The following C19orf84 variants were observed in gnomAD, a reference collection of about 807,000 sequenced individuals.
The protein encoded by C19orf84 is piRNA-mediated silencing protein C19orf84.
A neutral mutation model predicts 4.0 loss-of-function variants in C19orf84; 1 was observed. That is an observed-to-expected ratio of 0.25 (90% CI 0.09 to 1.19). The LOEUF is 1.19. Ranked by LOEUF, C19orf84 falls within the 50% of genes most tolerant of loss-of-function variation. The probability of loss-of-function intolerance (pLI) is 0.50; values close to 1 mark genes in which losing one functional copy is unlikely to be tolerated. For missense variants in C19orf84, 224 were observed against 246.8 expected, an observed-to-expected ratio of 0.91 and a Z score of 0.62; for synonymous variants, 123 against 109.6, an observed-to-expected ratio of 1.12 and a Z score of -0.76.
At position 51,389,178 on chromosome 19, in the gene C19orf84, G is replaced by C. The variant is rs1250407812; in HGVS notation, c.367C>G (p.Arg123Gly). ...TGCTCAGCTCTCCCAAGGCCCCGTC[G>C]ATGCAGGCCTCGGCCCCAGCCTGGC... ...HRPGWGRGLH[R>G]RGLGRAEQPE... is the part of the protein sequence containing the mutation. Residue 123 changes from arginine to glycine, a missense_variant, in exon 2 of 2, where the codon CGA (arginine) becomes GGA (glycine). By Grantham distance (125) the Arg-to-Gly change is moderately radical. Transcript: ENST00000574814. The surrounding 1 kb of genome is among the most constrained non-coding windows in gnomAD (Gnocchi z 4.7). 2 of 1,535,000 alleles carry C rather than the reference G, an allele frequency of 1.3e-6. No homozygotes were observed. The highest frequency in any genetic ancestry group is 1.7e-6 in the Non-Finnish European group (2 of 1,146,394).
chr19:51,389,550 C>G lies in C19orf84; in HGVS notation c.36-41G>C. The G allele has an allele frequency of 7.3e-7, 1 of 1,364,860 alleles. No homozygotes were observed. Among genetic ancestry groups the G allele is most frequent in the Non-Finnish European group, 9.4e-7 (1 of 1,062,134 alleles). The allele number at this position is 1,364,860 out of a possible 1,614,324, so 84.5% of individuals were successfully genotyped here. On this transcript the variant is annotated intron_variant, in intron 1 of 1. Transcript: ENST00000574814. This position sits in a 1 kb window ranked among gnomAD's most constrained non-coding sequence, Gnocchi z 4.7. The stretch of plus-strand genomic sequence containing the variant: ...GACAGGTCAGTGGGGCTCAGCGTCT[C>G]CGTACTTTCTTGTTTCTCGCTGCCA...
chr19:51,388,964 G>A lies in C19orf84; in HGVS notation c.*20C>T, dbSNP rs3826665. ...CCCTCCTGGGTGACTGCAATCTCAG[G>A]TGCCTGACCCTCCAAGGTCCTAGTA... On this transcript the variant is annotated 3_prime_UTR_variant, in exon 2 of 2. Transcript: ENST00000574814. 280,928 of 1,535,302 alleles carry A rather than the reference G, an allele frequency of 0.18. 31,349 individuals are homozygous for A. The highest frequency in any genetic ancestry group is 0.48 in the African/African-American group (35,312 of 72,958).
chr19:51,389,354 A>G lies in C19orf84; in HGVS notation c.191T>C (p.Leu64Pro). ...CAGGGCGCTGTGCAGGAGGCAGGAG[A>G]GGGTGTCCAGGCGTATGGGCACGGT... ...SVTVPIRLDT[L>P]SCLLHSALLG... The change falls in exon 2 of 2, where the codon CTC (leucine) becomes CCC (proline). Residue 64 changes from leucine (L) to proline (P), a missense_variant. By Grantham distance (98) the Leu-to-Pro change is moderately conservative. Coordinates refer to ENST00000574814, the MANE Select transcript of C19orf84 (RefSeq NM_001193623.2). The surrounding 1 kb of genome is among the most constrained non-coding windows in gnomAD (Gnocchi z 4.7). The G allele has an allele frequency of 6.5e-7, 1 of 1,527,964 alleles. No individual in the cohort carries two copies. The highest frequency in any genetic ancestry group is 8.8e-7 in the Non-Finnish European group (1 of 1,142,498). The allele number at this position is 1,527,964 out of a possible 1,614,324, so 94.7% of individuals were successfully genotyped here.
Position 51,390,532 on chromosome 19 carries a change from C to G in C19orf84, c.-20G>C, listed in dbSNP as rs748989888. Reference sequence around the variant, plus strand: ...TTCCATCTCCACTGGGGCCCTCTTACGTATCTTCTAGCAACTTCGCCTCCG... The same window carrying G: ...TTCCATCTCCACTGGGGCCCTCTTAGGTATCTTCTAGCAACTTCGCCTCCG... On this transcript the variant is annotated 5_prime_UTR_variant, in exon 1 of 2. Transcript: ENST00000574814. 1.1e-5 allele frequency: 17 copies of G among 1,524,386 alleles called. No individual in the cohort carries two copies. Among genetic ancestry groups the G allele is most frequent in the Middle Eastern group, 1.7e-4 (1 of 5,956 alleles). The allele number at this position is 1,524,386 out of a possible 1,614,324, so 94.4% of individuals were successfully genotyped here.
chr19:51,389,463 C>A lies in C19orf84; in HGVS notation c.82G>T (p.Ala28Ser). ...PSSGTEPWPP[A>S]PLPAPPPLLL... ...AAGGGTGGAGGGGCTGGGAGAGGCG[C>A]AGGGGGCCATGGCTCGGTCCCAGAT... The change falls in exon 2 of 2, where the codon GCG (alanine) becomes TCG (serine). Residue 28 changes from alanine (A) to serine (S), a missense_variant. By Grantham distance (99) the Ala-to-Ser change is moderately conservative. Transcript: ENST00000574814. This position sits in a 1 kb window ranked among gnomAD's most constrained non-coding sequence, Gnocchi z 4.7. 2.1e-6 allele frequency: 3 copies of A among 1,439,336 alleles called. No individual in the cohort carries two copies. The highest frequency in any genetic ancestry group is 2.7e-6 in the Non-Finnish European group (3 of 1,100,406). 89.2% of individuals were successfully genotyped at this position (1,439,336 alleles called of 1,614,324 possible).
At position 51,389,139 on chromosome 19, in the gene C19orf84, G is replaced by A. The variant is rs765349126; in HGVS notation, c.406C>T (p.Arg136Trp). Residue 136 changes from arginine to tryptophan, a missense_variant, in exon 2 of 2, where the codon CGG becomes TGG. By Grantham distance (101) the Arg-to-Trp change is moderately radical (BLOSUM62 -3). Transcript: ENST00000574814. This position sits in a 1 kb window ranked among gnomAD's most constrained non-coding sequence, Gnocchi z 4.7. Reference protein sequence around the residue: ...LGRAEQPERGRAGGPGAGPRT... With the variant: ...LGRAEQPERGWAGGPGAGPRT... ...GGGCCAGCCCCAGGGCCCCCCGCCC[G>A]GCCCCTCTCTGGCTGCTCAGCTCTC... 2.1e-5 allele frequency: 33 copies of A among 1,535,778 alleles called. No homozygotes were observed. The Middle Eastern group carries it at 5.0e-4, about 23-fold the overall frequency.
Position 51,389,838 on chromosome 19 carries a change from A to G in C19orf84, c.36-329T>C, listed in dbSNP as rs1283719998. The stretch of plus-strand genomic sequence containing the variant: ...TCACAGATGGCTTTGGATGGTATCA[A>G]AGGTGCGTATGACAGCGCTGGGTCT... On this transcript the variant is annotated intron_variant, in intron 1 of 1. Transcript: ENST00000574814. The surrounding 1 kb of genome is among the most constrained non-coding windows in gnomAD (Gnocchi z 4.7). 6.6e-6 allele frequency among the ~76,000 whole-genome samples: 1 copy of G among 152,160 alleles called. No individual in the cohort carries two copies. The highest frequency in any genetic ancestry group is 6.5e-5 in the Admixed American group (1 of 15,276).
In C19orf84 at chr19:51,389,265, A is replaced by G; in HGVS notation, c.280T>C (p.Ser94Pro). The G allele has an allele frequency of 6.5e-7, 1 of 1,535,694 alleles. No individual in the cohort carries two copies. Among genetic ancestry groups the G allele is most frequent in the South Asian group, 1.2e-5 (1 of 84,026 alleles). Residue 94 changes from serine to proline, a missense_variant, in exon 2 of 2, where the codon TCC (serine) becomes CCC (proline). By Grantham distance (74) the Ser-to-Pro change is moderately conservative. Coordinates refer to ENST00000574814, the MANE Select transcript of C19orf84 (RefSeq NM_001193623.2). This position sits in a 1 kb window ranked among gnomAD's most constrained non-coding sequence, Gnocchi z 4.7. The part of the protein sequence containing the change: ...SCPCCSQAGH[S>P]QPGAVRRPPR... Reference sequence around the variant, plus strand: ...GGCCTCCTAACTGCCCCCGGCTGGGAGTGGCCTGCCTGGGAGCAGCAGGGG... The same window carrying G: ...GGCCTCCTAACTGCCCCCGGCTGGGGGTGGCCTGCCTGGGAGCAGCAGGGG...
rs1407193314 is a variant in C19orf84, at chr19:51,389,338, G to A, written c.207C>T (p.His69=). ...AGGTGTAGGCCCCCAGCAGGGCGCT[G>A]TGCAGGAGGCAGGAGAGGGTGTCCA... ...IRLDTLSCLL[H]SALLGAYTFQ... The change falls in exon 2 of 2, where the codon CAC becomes CAT. Residue 69 remains histidine, a synonymous_variant. Transcript: ENST00000574814. The surrounding 1 kb of genome is among the most constrained non-coding windows in gnomAD (Gnocchi z 4.7). 10 of 1,533,450 alleles carry A rather than the reference G, an allele frequency of 6.5e-6. No individual in the cohort carries two copies. Among genetic ancestry groups the A allele is most frequent in the South Asian group, 2.4e-5 (2 of 83,832 alleles). 95.0% of individuals were successfully genotyped at this position (1,533,450 alleles called of 1,614,324 possible).
At position 51,390,556 on chromosome 19, in the gene C19orf84, C is replaced by G. The variant is rs1159053598; in HGVS notation, c.-44G>C. On this transcript the variant is annotated 5_prime_UTR_variant, in exon 1 of 2. Transcript: ENST00000574814. ...ACGTATCTTCTAGCAACTTCGCCTC[C>G]GAGATCCTTCGGGGGCCCGGGAAGG... The G allele has an allele frequency of 1.3e-6, 2 of 1,510,286 alleles. No homozygotes were observed. The highest frequency in any genetic ancestry group is 1.8e-6 in the Non-Finnish European group (2 of 1,132,534). The allele number at this position is 1,510,286 out of a possible 1,614,324, so 93.6% of individuals were successfully genotyped here. A position where few individuals can be genotyped will look rare whatever the true frequency, so the allele number is the denominator to read the frequency against.
chr19:51,390,360 T>C, intron 1 of C19orf84, 118 bp downstream of exon 1: 2 of 964,328 alleles, frequency 2.1e-6, no homozygotes, highest in Non-Finnish European at 2.8e-6. Context: ...TGAGCCTTTT[T>C]TGTTTTTCCT....
At chr19:51,390,403 TTC>T in intron 1 of C19orf84, 73 bp downstream of exon 1, 1 of 1,460,924 alleles carries the variant, frequency 6.8e-7, no homozygotes, top group Non-Finnish European at 9.1e-7. Context: ...AGCGCGCCCT[TTC>T]TCTCTCGTTT....
In C19orf84 at chr19:51,389,215, T is replaced by A; in HGVS notation, c.330A>T (p.Glu110Asp). 1 of 1,534,296 alleles carries A rather than the reference T, an allele frequency of 6.5e-7. No homozygotes were observed. Among genetic ancestry groups the A allele is most frequent in the East Asian group, 2.4e-5 (1 of 40,846 alleles). Reference protein sequence around the residue: ...RRPPRGRGGWEVRHRPGWGRG... With the variant: ...RRPPRGRGGWDVRHRPGWGRG... ...GGCCCCAGCCTGGCCTGTGCCTGACTTCCCAGCCTCCGCGTCCCCTGGGAG... is the reference window on the plus strand; with the variant it reads ...GGCCCCAGCCTGGCCTGTGCCTGACATCCCAGCCTCCGCGTCCCCTGGGAG... The change falls in exon 2 of 2, where the codon GAA becomes GAT. Residue 110 changes from glutamate to aspartate, a missense_variant. Physicochemically the swap from Glu to Asp is conservative, Grantham distance 45. Transcript: ENST00000574814. This position sits in a 1 kb window ranked among gnomAD's most constrained non-coding sequence, Gnocchi z 4.7.
chr19:51,390,056 G>A (rs1044233542), intron 1 of C19orf84, among the ~76,000 whole-genome samples: 24 of 151,532 alleles, frequency 1.6e-4, no homozygotes, highest in African/African-American at 5.3e-4. Context: ...TTGGCTCAAC[G>A]CAACCTCTGC....
Position 51,390,575 on chromosome 19 carries a change from G to T in C19orf84, c.-63C>A, listed in dbSNP as rs1180206257. The T allele has an allele frequency of 1.3e-6, 2 of 1,488,660 alleles. No individual in the cohort carries two copies. The highest frequency in any genetic ancestry group is 1.4e-5 in the African/African-American group (1 of 70,816). The allele number at this position is 1,488,660 out of a possible 1,614,324, so 92.2% of individuals were successfully genotyped here. The stretch of plus-strand genomic sequence containing the variant: ...CGCCTCCGAGATCCTTCGGGGGCCC[G>T]GGAAGGTTGGGGAGGGGCCGAGGCC... On this transcript the variant is annotated 5_prime_UTR_variant, in exon 1 of 2. Coordinates refer to ENST00000574814, the MANE Select transcript of C19orf84 (RefSeq NM_001193623.2).
At position 51,389,084 on chromosome 19, in the gene C19orf84, G is replaced by A. The variant is rs1987193821; in HGVS notation, c.461C>T (p.Pro154Leu). 1 of 1,535,904 alleles carries A rather than the reference G, an allele frequency of 6.5e-7. No individual in the cohort carries two copies. Among genetic ancestry groups the A allele is most frequent in the Non-Finnish European group, 8.7e-7 (1 of 1,146,852 alleles). Reference protein sequence around the residue: ...PRTPPMTLPSPPTLPAQDGKK... With the variant: ...PRTPPMTLPSLPTLPAQDGKK... ...CCCATCCTGGGCAGGCAGTGTTGGT[G>A]GTGATGGCAGTGTCATTGGTGGGGT... Residue 154 changes from proline (P) to leucine (L), a missense_variant, in exon 2 of 2, where the codon CCA (proline) becomes CTA (leucine). Coordinates refer to ENST00000574814, the MANE Select transcript of C19orf84 (RefSeq NM_001193623.2). The surrounding 1 kb of genome is among the most constrained non-coding windows in gnomAD (Gnocchi z 4.7).
In C19orf84 at chr19:51,389,255, C is replaced by T. The variant is rs1295230083; in HGVS notation, c.290G>A (p.Gly97Glu). 6.5e-7 allele frequency: 1 copy of T among 1,535,620 alleles called. No individual in the cohort carries two copies. The highest frequency in any genetic ancestry group is 8.7e-7 in the Non-Finnish European group (1 of 1,146,576). The change falls in exon 2 of 2, where the codon GGG (glycine) becomes GAG (glutamate). Residue 97 changes from glycine to glutamate, a missense_variant. By Grantham distance (98) the Gly-to-Glu change is moderately conservative. Transcript: ENST00000574814. This position sits in a 1 kb window ranked among gnomAD's most constrained non-coding sequence, Gnocchi z 4.7. ...CCSQAGHSQP[G>E]AVRRPPRGRG... Reference sequence around the variant, plus strand: ...TCCCCTGGGAGGCCTCCTAACTGCCCCCGGCTGGGAGTGGCCTGCCTGGGA... The same window carrying T: ...TCCCCTGGGAGGCCTCCTAACTGCCTCCGGCTGGGAGTGGCCTGCCTGGGA...
Position 51,389,328 on chromosome 19 carries a change from G to A in C19orf84, c.217C>T (p.Leu73=), listed in dbSNP as rs1255384211. 6.5e-7 allele frequency: 1 copy of A among 1,535,308 alleles called. No homozygotes were observed. Among genetic ancestry groups the A allele is most frequent in the Non-Finnish European group, 8.7e-7 (1 of 1,146,368 alleles). ...GCCTGTTGGAAGGTGTAGGCCCCCA[G>A]CAGGGCGCTGTGCAGGAGGCAGGAG... ...TLSCLLHSAL[L]GAYTFQQALP... is the part of the protein sequence containing the mutation. Residue 73 remains leucine (L), a synonymous_variant, in exon 2 of 2, where the codon CTG becomes TTG. Transcript: ENST00000574814. This position sits in a 1 kb window ranked among gnomAD's most constrained non-coding sequence, Gnocchi z 4.7.
At chr19:51,390,316 ATC>A in intron 1 of C19orf84, 160 bp downstream of exon 1, 1 of 572,942 alleles carries the variant, frequency 1.7e-6, no homozygotes, top group East Asian at 3.4e-5. Flanking sequence ...TCTCACCAAG[ATC>A]TTCTAAGATT....
Sources: allele counts gnomAD v4.1 joint callset (sites outside exome capture counted in the v4.1 genomes callset), GRCh38; gene constraint gnomAD v4.1.1; non-coding constraint Gnocchi (gnomAD v3.1); transcripts MANE v1.5; gene names NCBI Gene and HGNC (gene_info 2026-07-23, HGNC 2026-07-21).